The following DST variants were observed in gnomAD, a reference collection of about 807,000 sequenced individuals.
DST encodes dystonin.
In DST, 253 loss-of-function variants were observed where a neutral mutation model predicts 875.2. That is an observed-to-expected ratio of 0.29 (90% CI 0.26 to 0.32). The LOEUF (loss-of-function observed/expected upper bound fraction) is 0.32. Ranked by LOEUF, DST falls within the 10% of genes least tolerant of loss-of-function variation. DST has a pLI of 1.00. For synonymous variants in DST, 3,124 were observed against 3,197.1 expected (o/e 0.98, Z 0.77); for missense variants, 8,287 against 9,111.6 (o/e 0.91, Z 3.68).
At chr6:56,681,779 C>A (rs1206185056) in intron 9 of DST, among the ~76,000 whole-genome samples, 1 of 152,156 alleles carries the variant, frequency 6.6e-6, no homozygotes, top group Non-Finnish European at 1.5e-5. Context: ...GAGTTGGACA[C>A]CTTGAAAATC....
intron 4 of DST, among the ~76,000 whole-genome samples, chr6:56,741,042 C>A (rs974682489): frequency 7.2e-5 from 11 of 152,066 alleles, no homozygotes; most frequent in Admixed American, 3.9e-4. Flanking sequence ...AAATAGATTT[C>A]TTCTTTTCTA....
intron 95 of DST, 74 bp downstream of exon 95, chr6:56,471,032 A>C: frequency 7.0e-7 from 1 of 1,422,060 alleles, no homozygotes; most frequent in Non-Finnish European, 9.6e-7. Context: ...CAAGTTTACC[A>C]GACCCACACT....
At position 56,524,340 on chromosome 6, in the gene DST, A is replaced by T. The variant is rs574538894; in HGVS notation, c.18129+2021T>A. ...TGTATCCTCATCCTCCACAGTCTTTACAGCTGGAAATATTTTCATTAGATA... is the reference window on the plus strand; with the variant it reads ...TGTATCCTCATCCTCCACAGTCTTTTCAGCTGGAAATATTTTCATTAGATA... On this transcript the variant is annotated intron_variant, in intron 69 of 103. Coordinates refer to ENST00000680361, the MANE Select transcript of DST (RefSeq NM_001374736.1). 2.6e-5 allele frequency among the ~76,000 whole-genome samples: 4 copies of T among 152,252 alleles called. No homozygotes were observed. The South Asian group carries it at 8.3e-4, about 32-fold the overall frequency.
intron 4 of DST, among the ~76,000 whole-genome samples, chr6:56,816,835 T>C (rs550213131): frequency 6.6e-6 from 1 of 152,252 alleles, no homozygotes; most frequent in South Asian, 2.1e-4. Context: ...TTTTTGCTTT[T>C]TCTATGCTCT....
At chr6:56,890,036 C>T (rs1409790187) in intron 3 of DST, among the ~76,000 whole-genome samples, 1 of 152,192 alleles carries the variant, frequency 6.6e-6, no homozygotes. Context: ...AATTAAAATA[C>T]TTCAGGAAGG....
At chr6:56,746,486 C>T (rs2099572817) in intron 4 of DST, among the ~76,000 whole-genome samples, 1 of 152,016 alleles carries the variant, frequency 6.6e-6, no homozygotes, top group Non-Finnish European at 1.5e-5. Context: ...TATAGTTCAC[C>T]TTTCACCTAT....
intron 2 of DST, among the ~76,000 whole-genome samples, chr6:56,952,581 T>A (rs559371280): frequency 1.3e-5 from 2 of 152,360 alleles, no homozygotes; most frequent in East Asian, 3.9e-4. Flanking sequence ...TTTTTATACA[T>A]TTTAAAATTC....
At chr6:56,484,635 C>A (rs981153707) in intron 88 of DST, 1 of 152,160 alleles carries the variant, frequency 6.6e-6, no homozygotes, top group African/African-American at 2.4e-5. Context: ...CATATTGTTT[C>A]CAAGGCTAAG....
intron 85 of DST, 141 bp from the exon 86 acceptor site, chr6:56,489,750 G>A: frequency 1.2e-6 from 1 of 808,784 alleles, no homozygotes; most frequent in Non-Finnish European, 1.8e-6. Flanking sequence ...GAAGAAAAAA[G>A]TAATGCTTTC....
intron 3 of DST, among the ~76,000 whole-genome samples, chr6:56,868,195 G>A (rs894695796): frequency 3.3e-5 from 5 of 152,100 alleles, no homozygotes; most frequent in Non-Finnish European, 7.4e-5. Flanking sequence ...GCTAAACATG[G>A]CATATAAACA....
At chr6:56,725,142 G>A (rs1353488534) in intron 5 of DST, among the ~76,000 whole-genome samples, 1 of 152,154 alleles carries the variant, frequency 6.6e-6, no homozygotes, top group African/African-American at 2.4e-5. Flanking sequence ...GGAGAGACGT[G>A]AGTCTAAGCA....
chr6:56,800,486 A>G (rs1424157684), intron 4 of DST, among the ~76,000 whole-genome samples: 1 of 152,188 alleles, frequency 6.6e-6, no homozygotes, highest in East Asian at 1.9e-4. Context: ...GCAATAGCAC[A>G]ATGAAAAACT....
chr6:56,569,958 A>C lies in DST; in HGVS notation c.13776T>G (p.Val4592=), dbSNP rs768409374. The part of the protein sequence containing the change: ...QEQLDAFQVL[V]KSLKSWIKET... ...CTTTTATCCATGACTTCAATGATTT[A>C]ACAAGAACTTGGAAAGCATCCAACT... The change falls in exon 54 of 104, where the codon GTT becomes GTG. Residue 4592 remains valine, a synonymous_variant. Coordinates refer to ENST00000680361, the MANE Select transcript of DST (RefSeq NM_001374736.1). 8.7e-6 allele frequency: 14 copies of C among 1,608,814 alleles called. No individual in the cohort carries two copies. The South Asian group carries it at 1.2e-4, about 14-fold the overall frequency.
chr6:56,703,702 T>G lies in DST; in HGVS notation c.822A>C (p.Ala274=), dbSNP rs368350781. 1.0e-6 allele frequency: 1 copy of G among 985,328 alleles called. No individual in the cohort carries two copies. 61.0% of individuals were successfully genotyped at this position (985,328 alleles called of 1,614,324 possible). A position where few individuals can be genotyped will look rare whatever the true frequency, so the allele number is the denominator to read the frequency against. The change falls in exon 7 of 104, where the codon GCA becomes GCC. Residue 274 remains alanine, a synonymous_variant. Transcript: ENST00000680361. ...DFLKTLRLVS[A]TEACEYEQHE... Reference sequence around the variant, plus strand: ...GCTGTTCATATTCGCATGCTTCTGTTGCACTCACCAATCGTAAGGTCTTCA... The same window carrying G: ...GCTGTTCATATTCGCATGCTTCTGTGGCACTCACCAATCGTAAGGTCTTCA...
In DST at chr6:56,568,455, A is replaced by C; in HGVS notation, c.14005+14T>G. 1 of 1,580,462 alleles carries C rather than the reference A, an allele frequency of 6.3e-7. No individual in the cohort carries two copies. Among genetic ancestry groups the C allele is most frequent in the Non-Finnish European group, 8.5e-7 (1 of 1,170,244 alleles). ...ATTCTTAGTTTTTGCCATAAATGTA[A>C]ATAAAGCTCATACCTGATTTAACTG... is the stretch of plus-strand genomic sequence containing the variant. On this transcript the variant is annotated intron_variant, in intron 55 of 103. Coordinates refer to ENST00000680361, the MANE Select transcript of DST (RefSeq NM_001374736.1).
intron 4 of DST, among the ~76,000 whole-genome samples, chr6:56,840,337 C>T (rs1227360936): frequency 6.6e-6 from 1 of 152,096 alleles, no homozygotes; most frequent in Non-Finnish European, 1.5e-5. Flanking sequence ...GGTATATACA[C>T]TGGATAATTT....
At chr6:56,930,509 T>A (rs1336761141) in intron 2 of DST, among the ~76,000 whole-genome samples, 1 of 152,228 alleles carries the variant, frequency 6.6e-6, no homozygotes. Context: ...TTCCTTTTTG[T>A]ATACAATATT....
rs199560087 is a variant in DST at position 56,471,832 on chromosome 6, A to AT, written c.22158+226dup. On this transcript the variant is annotated intron_variant, in intron 94 of 103. Coordinates refer to ENST00000680361, the MANE Select transcript of DST (RefSeq NM_001374736.1). ...AGCTTCTGATTGTTAAAACATAATC[A>AT]TTTTTTTTACTTCATTGATTCCCTA... 448 of 567,464 alleles carry AT rather than the reference A, an allele frequency of 7.9e-4. 6 individuals carry two copies. In the East Asian group the frequency reaches 9.4e-3, roughly 12 times the overall value. The allele number at this position is 567,464 out of a possible 1,614,324, so 35.2% of individuals were successfully genotyped here.
chr6:56,662,420 A>G (rs1210061915), intron 10 of DST, among the ~76,000 whole-genome samples: 5 of 152,240 alleles, frequency 3.3e-5, no homozygotes. Flanking sequence ...TGTTATACAC[A>G]TACAATAGAA....
Sources: gnomAD v4.1 joint callset for allele counts (sites outside exome capture counted in the v4.1 genomes callset) on GRCh38, gnomAD v4.1.1 for gene constraint, MANE v1.5 for transcripts, NCBI Gene and HGNC (gene_info 2026-07-23, HGNC 2026-07-21) for gene names.